The following CNBD1 variants were observed in gnomAD, a reference collection of about 807,000 sequenced individuals.
The protein encoded by CNBD1 is cyclic nucleotide binding domain containing 1.
In CNBD1, 71 loss-of-function variants were observed where a neutral mutation model predicts 54.4. The ratio of observed to expected loss-of-function variants is 1.30; its 90% CI spans 1.08 to 1.59. The LOEUF (loss-of-function observed/expected upper bound fraction) is 1.59. Among genes scored for constraint, CNBD1 ranks in the 40% most tolerant of loss-of-function variants. CNBD1 has a pLI of 0.00. For synonymous variants in CNBD1, 182 were observed against 170.7 expected (o/e 1.07, Z -0.51); for missense variants, 659 against 518.0 (o/e 1.27, Z -2.64).
chr8:87,220,417 T>C (rs530341129), intron 5 of CNBD1, among the ~76,000 whole-genome samples: 12 of 152,090 alleles, frequency 7.9e-5, no homozygotes, highest in African/African-American at 2.9e-4. Flanking sequence ...TTATGAACAA[T>C]TTGATTCATT....
chr8:87,333,985 A>G (rs2130912753), intron 8 of CNBD1, among the ~76,000 whole-genome samples: 1 of 152,162 alleles, frequency 6.6e-6, no homozygotes, highest in African/African-American at 2.4e-5. Flanking sequence ...TCGGCTGTTA[A>G]TCCATCTGGT....
intron 4 of CNBD1, among the ~76,000 whole-genome samples, chr8:86,949,440 A>C (rs1018502621): frequency 6.6e-6 from 1 of 152,070 alleles, no homozygotes; most frequent in Admixed American, 6.6e-5. Context: ...AGTGTTATAT[A>C]GTTTTCTTTA....
At chr8:87,358,232 A>T (rs557795683) in intron 10 of CNBD1, among the ~76,000 whole-genome samples, 111 of 152,308 alleles carry the variant, frequency 7.3e-4, no homozygotes, top group African/African-American at 2.5e-3. Flanking sequence ...AGAATGTGTT[A>T]CCAATACTTG....
chr8:87,162,447 C>G (rs1812877294), intron 4 of CNBD1, among the ~76,000 whole-genome samples: 1 of 152,004 alleles, frequency 6.6e-6, no homozygotes, highest in African/African-American at 2.4e-5. Context: ...GAAATATTAA[C>G]TAGCATAAAG....
chr8:86,875,324 C>T (rs1808504903), intron 1 of CNBD1, among the ~76,000 whole-genome samples: 1 of 152,080 alleles, frequency 6.6e-6, no homozygotes, highest in South Asian at 2.1e-4. Flanking sequence ...GGATGCCCTC[C>T]ACACCCTGGT....
Position 87,290,786 on chromosome 8 carries a change from A to G in CNBD1, c.1042+4115A>G, listed in dbSNP as rs117349455. Among the ~76,000 whole-genome samples the G allele has an allele frequency of 1.9e-3, 287 of 152,292 alleles. 1 individual carries two copies. Among genetic ancestry groups the G allele is most frequent in the Non-Finnish European group, 3.0e-3 (203 of 68,014 alleles). On this transcript the variant is annotated intron_variant, in intron 8 of 10. Coordinates refer to ENST00000518476, the MANE Select transcript of CNBD1 (RefSeq NM_173538.3). The stretch of plus-strand genomic sequence containing the variant: ...TTATTTTGTGTAAGTTAAAAATGCA[A>G]TCCCACTTTCTTCTGGCTTCTATTG...
At chr8:87,210,402 G>C (rs899438135) in intron 5 of CNBD1, among the ~76,000 whole-genome samples, 4 of 152,194 alleles carry the variant, frequency 2.6e-5, no homozygotes, top group African/African-American at 9.6e-5. Context: ...GACTAAAAAA[G>C]AGCTAGGTGC....
chr8:87,098,935 G>C (rs1278094897), intron 4 of CNBD1, among the ~76,000 whole-genome samples: 1 of 148,408 alleles, frequency 6.7e-6, no homozygotes, highest in African/African-American at 2.5e-5. Context: ...TACTCGGGAG[G>C]CTAAGGCAGG....
chr8:87,328,221 A>C (rs944697229), intron 8 of CNBD1, among the ~76,000 whole-genome samples: 14 of 151,922 alleles, frequency 9.2e-5, no homozygotes, highest in African/African-American at 2.7e-4. Context: ...AAAACCATTT[A>C]CTGAAGAGGC....
intron 5 of CNBD1, among the ~76,000 whole-genome samples, chr8:87,231,145 TTG>T (rs1459731265): frequency 6.6e-6 from 1 of 152,158 alleles, no homozygotes; most frequent in East Asian, 1.9e-4. Context: ...AGACTTGTTT[TTG>T]TATTATAATG....
chr8:87,187,951 A>G (rs1813514070), intron 4 of CNBD1, among the ~76,000 whole-genome samples: 1 of 152,152 alleles, frequency 6.6e-6, no homozygotes, highest in Non-Finnish European at 1.5e-5. Flanking sequence ...AATTCTTAAC[A>G]AGGTTTATAA....
intron 4 of CNBD1, among the ~76,000 whole-genome samples, chr8:86,954,579 C>CCAT (rs1554633885): frequency 1.3e-3 from 1 of 748 alleles, no homozygotes; most frequent in South Asian, 0.1. Flanking sequence ...ATTTACATTC[C>CCAT]GTGTTCTTAT....
intron 4 of CNBD1, among the ~76,000 whole-genome samples, chr8:86,989,304 A>ATACATACATACATACATAC (rs1586182914): frequency 2.0e-5 from 3 of 149,262 alleles, no homozygotes; most frequent in South Asian, 2.2e-4. Flanking sequence ...AAAACAAATA[A>ATACATACATACATACATAC]ATACATACAT....
intron 2 of CNBD1, among the ~76,000 whole-genome samples, chr8:87,419,351 A>G (rs1046384398): frequency 6.6e-6 from 1 of 151,860 alleles, no homozygotes; most frequent in Admixed American, 6.6e-5. Context: ...TATCTTCAGT[A>G]TGAAAATGGT....
At position 87,353,727 on chromosome 8, in the gene CNBD1, G is replaced by A. The variant is rs764613063; in HGVS notation, c.1244G>A (p.Cys415Tyr). ...ISVLLQVPFT[C>Y]TIITKKEVEM... ...GTCCTTCTTCAAGTTCCTTTCACGT[G>A]CACAATCATTACCAAAAAAGAAGTT... Residue 415 changes from cysteine to tyrosine, a missense_variant, in exon 10 of 11, where the codon TGC becomes TAC. Cys to Tyr is a radical substitution (Grantham distance 194). Coordinates refer to ENST00000518476, the MANE Select transcript of CNBD1 (RefSeq NM_173538.3). 5 of 1,611,484 alleles carry A rather than the reference G, an allele frequency of 3.1e-6. No individual in the cohort carries two copies. In the Admixed American group the frequency reaches 6.7e-5, roughly 22 times the overall value.
intron 10 of CNBD1, among the ~76,000 whole-genome samples, chr8:87,360,421 G>A (rs1409062305): frequency 1.3e-5 from 2 of 151,848 alleles, no homozygotes; most frequent in African/African-American, 2.4e-5. Context: ...AAATAAGAAT[G>A]AGAATAGCAT....
chr8:87,192,988 C>A (rs1237639943), intron 4 of CNBD1, among the ~76,000 whole-genome samples: 1 of 152,084 alleles, frequency 6.6e-6, no homozygotes, highest in Non-Finnish European at 1.5e-5. Flanking sequence ...AAGTGGTAAT[C>A]GCTTCTCTAT....
chr8:87,350,612 A>T (rs16898951), intron 8 of CNBD1, among the ~76,000 whole-genome samples: 3,481 of 151,950 alleles, frequency 0.023, 66 homozygotes, highest in Non-Finnish European at 0.033. Context: ...ATGCTCTTTT[A>T]TGCTAGAAAA....
intron 3 of CNBD1, among the ~76,000 whole-genome samples, chr8:86,922,666 C>T (rs1400783380): frequency 2.0e-5 from 3 of 152,030 alleles, no homozygotes; most frequent in Admixed American, 6.6e-5. Flanking sequence ...AAAAAAAAAT[C>T]CACTTATGAT....
Sources: allele counts gnomAD v4.1 joint callset (sites outside exome capture counted in the v4.1 genomes callset), GRCh38; gene constraint gnomAD v4.1.1; transcripts MANE v1.5; gene names NCBI Gene and HGNC (gene_info 2026-07-23, HGNC 2026-07-21).